SFSWAP: variants seen among roughly 807,000 people sequenced by gnomAD.
SFSWAP encodes the protein splicing factor, suppressor of white-apricot homolog.
SFSWAP carries 17 observed loss-of-function variants against 100.7 expected under a neutral mutation model. The ratio of observed to expected loss-of-function variants is 0.17; its 90% CI spans 0.12 to 0.25. The LOEUF is 0.25. SFSWAP is among the 10% of genes least tolerant of loss of function. SFSWAP has a pLI of 1.00. For synonymous variants in SFSWAP, 504 were observed against 510.1 expected, an observed-to-expected ratio of 0.99 and a Z score of 0.16; for missense variants, 1,005 against 1,262.6, an observed-to-expected ratio of 0.80 and a Z score of 3.09.
intron 9 of SFSWAP, 53 bp from the exon 10 acceptor site, chr12:131,755,333 C>A (rs1261799074): frequency 1.6e-6 from 2 of 1,281,894 alleles, no homozygotes; most frequent in Non-Finnish European, 2.3e-6. Context: ...CCTGTTGTTA[C>A]TTCAGTGAGC....
chr12:131,741,417 C>G (rs1375392441), intron 7 of SFSWAP, among the ~76,000 whole-genome samples: 1 of 152,040 alleles, frequency 6.6e-6, no homozygotes, highest in East Asian at 1.9e-4. Flanking sequence ...GGGTGGATCT[C>G]TTGAGCTCAG....
intron 3 of SFSWAP, among the ~76,000 whole-genome samples, chr12:131,718,495 A>T (rs1458806978): frequency 2.6e-5 from 4 of 152,226 alleles, no homozygotes. Flanking sequence ...ATACAGAAAG[A>T]TAATGTGTAG....
At chr12:131,716,281 T>C (rs1877907214) in intron 3 of SFSWAP, among the ~76,000 whole-genome samples, 1 of 152,244 alleles carries the variant, frequency 6.6e-6, no homozygotes, top group African/African-American at 2.4e-5. Flanking sequence ...TAATTGTAAT[T>C]ATACTGAGTT....
At chr12:131,752,333 T>C (rs1881737374) in intron 7 of SFSWAP, among the ~76,000 whole-genome samples, 1 of 152,242 alleles carries the variant, frequency 6.6e-6, no homozygotes, top group South Asian at 2.1e-4. Context: ...AAATTAAATT[T>C]CGTAATTAAT....
At chr12:131,758,566 A>G (rs1882387519) in intron 11 of SFSWAP, among the ~76,000 whole-genome samples, 2 of 152,344 alleles carry the variant, frequency 1.3e-5, no homozygotes, top group South Asian at 2.1e-4. Context: ...AACAGGAGAA[A>G]AATCTTTTAA....
At chr12:131,717,098 A>G (rs1318740847) in intron 3 of SFSWAP, among the ~76,000 whole-genome samples, 1 of 152,220 alleles carries the variant, frequency 6.6e-6, no homozygotes, top group Non-Finnish European at 1.5e-5. Flanking sequence ...TAAGTGAAAC[A>G]CCTAACACAC....
rs1439391781 is a variant in SFSWAP, at chr12:131,734,490, G to A, written c.1081+6062G>A. Among the ~76,000 whole-genome samples the A allele has an allele frequency of 6.6e-6, 1 of 152,180 alleles. No individual in the cohort carries two copies. Among genetic ancestry groups the A allele is most frequent in the Admixed American group, 6.5e-5 (1 of 15,286 alleles). ...GCTTGTAAGCCGGGGCCGCATTGTT[G>A]TGTTACCACACTTCTGTTTTAGAGC... On this transcript the variant is annotated intron_variant, in intron 7 of 17. Coordinates refer to ENST00000261674, the MANE Select transcript of SFSWAP (RefSeq NM_004592.4). This position sits in a 1 kb window ranked among gnomAD's most constrained non-coding sequence, Gnocchi z 4.9.
chr12:131,726,847 A>G lies in SFSWAP; in HGVS notation c.833-93A>G. 5.0e-6 allele frequency: 4 copies of G among 800,544 alleles called. No individual in the cohort carries two copies. The South Asian group carries it at 6.0e-5, about 12-fold the overall frequency. 49.6% of individuals were successfully genotyped at this position (800,544 alleles called of 1,614,324 possible). A position where few individuals can be genotyped will look rare whatever the true frequency, so the allele number is the denominator to read the frequency against. ...AAAGTGTTTTTTCGACAGATAACCA[A>G]GATAACTTGGCTGCTTCTAAGTTTT... On this transcript the variant is annotated intron_variant, in intron 5 of 17. Coordinates refer to ENST00000261674, the MANE Select transcript of SFSWAP (RefSeq NM_004592.4).
At chr12:131,740,836 G>A (rs1022199391) in intron 7 of SFSWAP, among the ~76,000 whole-genome samples, 6 of 152,052 alleles carry the variant, frequency 3.9e-5, no homozygotes, top group Non-Finnish European at 8.8e-5. Context: ...CAGCCTCTAT[G>A]CAGCCCCTGC....
At chr12:131,729,915 A>G (rs1440414312) in intron 7 of SFSWAP, among the ~76,000 whole-genome samples, 3 of 152,262 alleles carry the variant, frequency 2.0e-5, no homozygotes, top group Non-Finnish European at 4.4e-5. Context: ...GCACTGGCAC[A>G]TACTAAACGT....
At chr12:131,785,274 G>C in intron 14 of SFSWAP, 2 of 1,389,766 alleles carry the variant, frequency 1.4e-6, no homozygotes. Context: ...TAAATCTTAG[G>C]AAAGGTCTGG....
In SFSWAP at chr12:131,734,978, A is replaced by G. The variant is rs915067255; in HGVS notation, c.1081+6550A>G. Among the ~76,000 whole-genome samples, 3 of 152,184 alleles carry G rather than the reference A, an allele frequency of 2.0e-5. No homozygotes were observed. The highest frequency in any genetic ancestry group is 4.4e-5 in the Non-Finnish European group (3 of 68,028). On this transcript the variant is annotated intron_variant, in intron 7 of 17. Coordinates refer to ENST00000261674, the MANE Select transcript of SFSWAP (RefSeq NM_004592.4). This position sits in a 1 kb window ranked among gnomAD's most constrained non-coding sequence, Gnocchi z 4.9. ...TCAGGCCGGAAGCGACTGTCCGTGA[A>G]GGTGACGCTCATACCGTAACCTTAG...
intron 15 of SFSWAP, among the ~76,000 whole-genome samples, chr12:131,792,513 A>C (rs939433875): frequency 7.9e-6 from 1 of 127,120 alleles, no homozygotes; most frequent in Non-Finnish European, 1.6e-5. Flanking sequence ...GTGTGTGCAT[A>C]CGTGTGTGTT....
chr12:131,763,762 G>A (rs1351310828), intron 11 of SFSWAP, among the ~76,000 whole-genome samples: 1 of 151,872 alleles, frequency 6.6e-6, no homozygotes, highest in Non-Finnish European at 1.5e-5. Context: ...TGTTTATAGT[G>A]GAGTCACATC....
chr12:131,732,674 C>T (rs539565350), intron 7 of SFSWAP, among the ~76,000 whole-genome samples: 87 of 152,230 alleles, frequency 5.7e-4, no homozygotes, highest in Non-Finnish European at 1.1e-3. Flanking sequence ...CATATACAGC[C>T]TGTTATTCCT....
At chr12:131,779,062 T>G (rs1884249707) in intron 14 of SFSWAP, among the ~76,000 whole-genome samples, 1 of 150,450 alleles carries the variant, frequency 6.6e-6, no homozygotes, top group Non-Finnish European at 1.5e-5. Context: ...TTGGATTCTC[T>G]GCTCTGCACA....
intron 4 of SFSWAP, chr12:131,723,445 A>C (rs1428462411): frequency 6.6e-6 from 1 of 152,134 alleles, no homozygotes; most frequent in Non-Finnish European, 1.5e-5. Flanking sequence ...CTTCCCACCC[A>C]CAAGAGTTTG....
intron 3 of SFSWAP, among the ~76,000 whole-genome samples, chr12:131,717,553 G>A (rs1878043582): frequency 6.6e-6 from 1 of 151,988 alleles, no homozygotes; most frequent in Non-Finnish European, 1.5e-5. Flanking sequence ...TGTAAATAAA[G>A]GTATATATAA....
chr12:131,771,819 C>T (rs768206880), intron 13 of SFSWAP, among the ~76,000 whole-genome samples: 9 of 152,002 alleles, frequency 5.9e-5, no homozygotes, highest in Non-Finnish European at 1.0e-4. Flanking sequence ...GGCGCCACCA[C>T]GCCCAGGTAA....
Sources: gnomAD v4.1 joint callset for allele counts (sites outside exome capture counted in the v4.1 genomes callset) on GRCh38, gnomAD v4.1.1 for gene constraint, Gnocchi (gnomAD v3.1) non-coding constraint, MANE v1.5 for transcripts, NCBI Gene and HGNC (gene_info 2026-07-23, HGNC 2026-07-21) for gene names.